The following PRKCE variants were observed in gnomAD, a reference collection of about 807,000 sequenced individuals.
PRKCE encodes protein kinase C epsilon type.
PRKCE carries 16 observed loss-of-function variants against 85.4 expected under a neutral mutation model. The observed-to-expected ratio is 0.19, with a 90% CI of 0.13 to 0.28. PRKCE has a LOEUF of 0.28. PRKCE is among the 10% of genes least tolerant of loss of function. The pLI is 1.00. For synonymous variants in PRKCE, 388 were observed against 371.5 expected (o/e 1.04, Z -0.51); for missense variants, 573 against 975.2 (o/e 0.59, Z 5.49).
intron 10 of PRKCE, among the ~76,000 whole-genome samples, chr2:46,015,476 A>C (rs537683312): frequency 6.6e-6 from 1 of 152,282 alleles, no homozygotes; most frequent in African/African-American, 2.4e-5. Flanking sequence ...AAGGAAACAA[A>C]GGGTGAACTA....
At chr2:45,978,920 T>C in intron 3 of PRKCE, 56 bp from the exon 4 acceptor site, 1 of 1,558,420 alleles carries the variant, frequency 6.4e-7, no homozygotes, top group Non-Finnish European at 8.7e-7. Flanking sequence ...TTTCTGTTTG[T>C]TTTTTGACCT....
intron 1 of PRKCE, among the ~76,000 whole-genome samples, chr2:45,803,408 A>C (rs541356060): frequency 6.6e-6 from 1 of 152,362 alleles, no homozygotes; most frequent in South Asian, 2.1e-4. Context: ...TCTAGTGTTT[A>C]TTCCCCACTG....
At chr2:45,964,352 C>T (rs1180386109) in intron 2 of PRKCE, among the ~76,000 whole-genome samples, 2 of 152,144 alleles carry the variant, frequency 1.3e-5, no homozygotes, top group African/African-American at 4.8e-5. Flanking sequence ...CTCAGGTGCC[C>T]GAGAATGCAG....
chr2:45,803,899 T>C (rs1282574655), intron 1 of PRKCE, among the ~76,000 whole-genome samples: 1 of 152,214 alleles, frequency 6.6e-6, no homozygotes, highest in African/African-American at 2.4e-5. Context: ...GCAGAGATTC[T>C]GTACACAGGA....
chr2:45,722,640 G>A (rs1361985695), intron 1 of PRKCE, among the ~76,000 whole-genome samples: 1 of 152,202 alleles, frequency 6.6e-6, no homozygotes, highest in Non-Finnish European at 1.5e-5. Context: ...GAGCCATTGT[G>A]TGGCCCATCT....
intron 2 of PRKCE, among the ~76,000 whole-genome samples, chr2:45,843,365 T>C (rs1274088155): frequency 6.6e-6 from 1 of 152,148 alleles, no homozygotes; most frequent in Non-Finnish European, 1.5e-5. Context: ...CCAGGAGGCT[T>C]GCGTGGGGTT....
chr2:45,881,197 AG>A (rs547249397), intron 2 of PRKCE, among the ~76,000 whole-genome samples: 56 of 151,738 alleles, frequency 3.7e-4, no homozygotes, highest in Non-Finnish European at 6.9e-4. Flanking sequence ...TTGCCTTCAG[AG>A]CCTGCAGCTG....
intron 11 of PRKCE, among the ~76,000 whole-genome samples, chr2:46,123,577 T>G (rs1406783084): frequency 6.6e-6 from 1 of 152,106 alleles, no homozygotes; most frequent in Non-Finnish European, 1.5e-5. Context: ...CAATCTCCGC[T>G]TCCCAGGTTC....
intron 11 of PRKCE, among the ~76,000 whole-genome samples, chr2:46,137,516 C>T (rs1383576300): frequency 3.3e-5 from 5 of 150,146 alleles, no homozygotes; most frequent in Admixed American, 1.3e-4. Flanking sequence ...TTCGGGAGGC[C>T]AAGGCGGGTG....
At chr2:45,824,998 C>T (rs1439843002) in intron 1 of PRKCE, among the ~76,000 whole-genome samples, 2 of 152,164 alleles carry the variant, frequency 1.3e-5, no homozygotes, top group African/African-American at 4.8e-5. Flanking sequence ...TTCTGCTGAA[C>T]GTGGGTTCGC....
intron 11 of PRKCE, among the ~76,000 whole-genome samples, chr2:46,097,393 G>A (rs368199728): frequency 2.6e-5 from 4 of 151,950 alleles, no homozygotes; most frequent in Admixed American, 1.3e-4. Flanking sequence ...GGTGGCGGGC[G>A]TCTGTAGTCC....
intron 10 of PRKCE, among the ~76,000 whole-genome samples, chr2:46,017,151 C>T (rs985787093): frequency 2.0e-5 from 3 of 152,052 alleles, no homozygotes; most frequent in African/African-American, 7.2e-5. Flanking sequence ...CACCCCTCTC[C>T]ATCTCCATGC....
rs761484703 is a variant in PRKCE at position 45,842,995 on chromosome 2, T to C, written c.349-5T>C. ...ACAGAGTCACTGTCATTTTCTTAATTGCAGATTGATCTGGAGCCAGAAGGA... is the reference window on the plus strand; with the variant it reads ...ACAGAGTCACTGTCATTTTCTTAATCGCAGATTGATCTGGAGCCAGAAGGA... On this transcript the variant is annotated splice_polypyrimidine_tract_variant and splice_region_variant and intron_variant, in intron 1 of 14. Coordinates refer to ENST00000306156, the MANE Select transcript of PRKCE (RefSeq NM_005400.3). 11 of 1,613,888 alleles carry C rather than the reference T, an allele frequency of 6.8e-6. No individual in the cohort carries two copies. In the African/African-American group the frequency reaches 1.5e-4, roughly 22 times the overall value.
In PRKCE at chr2:45,788,561, T is replaced by C. The variant is rs188130173; in HGVS notation, c.349-54439T>C. On this transcript the variant is annotated intron_variant, in intron 1 of 14. Transcript: ENST00000306156. ...CACAGCCTCTCTCATCCTTTCTACCTACCCCTCCATTGCCTCTAATTTACT... is the reference window on the plus strand; with the variant it reads ...CACAGCCTCTCTCATCCTTTCTACCCACCCCTCCATTGCCTCTAATTTACT... Among the ~76,000 whole-genome samples the C allele has an allele frequency of 1.1e-4, 17 of 152,312 alleles. No homozygotes were observed. The East Asian group carries it at 3.1e-3, about 28-fold the overall frequency.
intron 14 of PRKCE, among the ~76,000 whole-genome samples, chr2:46,168,960 G>T (rs987109189): frequency 1.3e-5 from 2 of 152,216 alleles, no homozygotes; most frequent in African/African-American, 4.8e-5. Context: ...TGCCAGGAGG[G>T]ACAGGGGTCA....
At chr2:45,683,860 A>G (rs914341327) in intron 1 of PRKCE, among the ~76,000 whole-genome samples, 1 of 152,192 alleles carries the variant, frequency 6.6e-6, no homozygotes, top group Non-Finnish European at 1.5e-5. Context: ...TTGGCTAGAT[A>G]TATATTATCC....
intron 11 of PRKCE, among the ~76,000 whole-genome samples, chr2:46,104,670 G>C: frequency 6.6e-6 from 1 of 152,140 alleles, no homozygotes; most frequent in Non-Finnish European, 1.5e-5. Flanking sequence ...AACTTATGAG[G>C]TTCCAGATGG....
Position 46,155,640 on chromosome 2 carries a change from T to C in PRKCE, c.1921-3966T>C, listed in dbSNP as rs1274161035. Reference sequence around the variant, plus strand: ...AGCTCTGGATGGTCCCCCTCAAATCTGCTCACTCTCAAATTCCTTGGTTCA... The same window carrying C: ...AGCTCTGGATGGTCCCCCTCAAATCCGCTCACTCTCAAATTCCTTGGTTCA... On this transcript the variant is annotated intron_variant, in intron 13 of 14. Coordinates refer to ENST00000306156, the MANE Select transcript of PRKCE (RefSeq NM_005400.3). This position sits in a 1 kb window ranked among gnomAD's most constrained non-coding sequence, Gnocchi z 4.7. Among the ~76,000 whole-genome samples, 1 of 152,210 alleles carries C rather than the reference T, an allele frequency of 6.6e-6. No homozygotes were observed. The highest frequency in any genetic ancestry group is 1.5e-5 in the Non-Finnish European group (1 of 68,034).
intron 10 of PRKCE, among the ~76,000 whole-genome samples, chr2:46,039,552 A>C (rs1574306765): frequency 6.6e-6 from 1 of 150,772 alleles, no homozygotes; most frequent in Non-Finnish European, 1.5e-5. Flanking sequence ...GTTTTAGTAG[A>C]GGGGGAGGGG....
Sources: gnomAD v4.1 joint callset for allele counts (sites outside exome capture counted in the v4.1 genomes callset) on GRCh38, gnomAD v4.1.1 for gene constraint, Gnocchi (gnomAD v3.1) non-coding constraint, MANE v1.5 for transcripts, NCBI Gene and HGNC (gene_info 2026-07-23, HGNC 2026-07-21) for gene names.